Variants in LNP1 observed in about 807,000 individuals in gnomAD.
LNP1 encodes the protein leukemia NUP98 fusion partner 1.
Under a neutral mutation model 14.5 loss-of-function variants are expected in LNP1, and 12 were observed. That is an observed-to-expected ratio of 0.83 (90% CI 0.53 to 1.34). LNP1 has a LOEUF of 1.34. Ranked by LOEUF, LNP1 falls within the 40% of genes most tolerant of loss-of-function variation. LNP1 has a pLI of 0.00. For missense variants in LNP1, 198 were observed against 210.9 expected, an observed-to-expected ratio of 0.94 and a Z score of 0.38; for synonymous variants, 75 against 71.4, an observed-to-expected ratio of 1.05 and a Z score of -0.26.
chr3:100,403,460 G>C (rs1167590166), intron 1 of LNP1, among the ~76,000 whole-genome samples: 1 of 151,910 alleles, frequency 6.6e-6, no homozygotes, highest in African/African-American at 2.4e-5. Flanking sequence ...GGTTGTGGAA[G>C]ACCTGAGTTT....
At chr3:100,414,033 C>CAA (rs1185880306) in intron 1 of LNP1, among the ~76,000 whole-genome samples, 1 of 145,488 alleles carries the variant, frequency 6.9e-6, no homozygotes, top group African/African-American at 2.5e-5. Flanking sequence ...TTCAAAGCTG[C>CAA]AAAAAAAAAA....
intron 2 of LNP1, among the ~76,000 whole-genome samples, chr3:100,434,371 G>T (rs149476136): frequency 3.9e-4 from 59 of 152,244 alleles, no homozygotes; most frequent in Admixed American, 3.7e-3. Context: ...AGATCAGGTG[G>T]TTATATAAGT....
At chr3:100,416,483 G>A (rs544353153) in intron 1 of LNP1, among the ~76,000 whole-genome samples, 4 of 152,006 alleles carry the variant, frequency 2.6e-5, no homozygotes, top group African/African-American at 4.8e-5. Flanking sequence ...TGTTTAATGA[G>A]AATTGGCATT....
chr3:100,442,278 A>C (rs1707351172), intron 2 of LNP1, among the ~76,000 whole-genome samples: 1 of 152,184 alleles, frequency 6.6e-6, no homozygotes, highest in South Asian at 2.1e-4. Flanking sequence ...GAAAAGTCTT[A>C]CTGATCAAGA....
At chr3:100,403,487 G>A (rs1347675507) in intron 1 of LNP1, among the ~76,000 whole-genome samples, 1 of 149,168 alleles carries the variant, frequency 6.7e-6, no homozygotes, top group African/African-American at 2.5e-5. Context: ...TTTTTGAGAT[G>A]GAGTTTCGCT....
chr3:100,424,807 G>C (rs1192788904), intron 1 of LNP1, among the ~76,000 whole-genome samples: 3 of 152,174 alleles, frequency 2.0e-5, no homozygotes, highest in Non-Finnish European at 4.4e-5. Flanking sequence ...CTGTGTAGCT[G>C]ATCTCCTTGG....
At chr3:100,405,086 C>T (rs1312394466) in intron 1 of LNP1, among the ~76,000 whole-genome samples, 2 of 152,126 alleles carry the variant, frequency 1.3e-5, no homozygotes, top group Admixed American at 6.5e-5. Context: ...GCTACTGTAC[C>T]CAGCCTGTGT....
intron 1 of LNP1, among the ~76,000 whole-genome samples, chr3:100,424,230 C>T (rs1707172110): frequency 6.6e-6 from 1 of 152,146 alleles, no homozygotes; most frequent in Non-Finnish European, 1.5e-5. Flanking sequence ...TTGAAGAGTT[C>T]CCTTTCCTTC....
chr3:100,427,987 C>T (rs959569065), intron 1 of LNP1, among the ~76,000 whole-genome samples: 9 of 152,260 alleles, frequency 5.9e-5, no homozygotes, highest in African/African-American at 1.9e-4. Context: ...TTTTGCAGCT[C>T]AAGGAAGGAT....
At chr3:100,423,010 T>C (rs1707159381) in intron 1 of LNP1, among the ~76,000 whole-genome samples, 1 of 152,048 alleles carries the variant, frequency 6.6e-6, no homozygotes, top group African/African-American at 2.4e-5. Flanking sequence ...CTTGATAATA[T>C]ACAAGGAAAT....
chr3:100,410,065 T>G (rs1358119508), intron 1 of LNP1, among the ~76,000 whole-genome samples: 1 of 152,060 alleles, frequency 6.6e-6, no homozygotes, highest in East Asian at 1.9e-4. Flanking sequence ...ATTTTGGTAC[T>G]AGGAATGGGG....
chr3:100,416,220 T>G (rs1576227124), intron 1 of LNP1, among the ~76,000 whole-genome samples: 1 of 152,326 alleles, frequency 6.6e-6, no homozygotes, highest in Middle Eastern at 3.4e-3. Flanking sequence ...TTAGTTGGAA[T>G]ATTTTTATAA....
intron 1 of LNP1, among the ~76,000 whole-genome samples, chr3:100,415,960 G>T (rs528015816): frequency 6.6e-6 from 1 of 152,306 alleles, no homozygotes; most frequent in Admixed American, 6.5e-5. Context: ...TGCAACCCCA[G>T]ATGCTGTCGT....
rs144212187 is a variant in LNP1 at position 100,423,241 on chromosome 3, T to C, written c.-33-6456T>C. ...CCTTTCTAGAATGAGACCGGTTCAGTCAAGCTTGAAATCAGTAAGAGGAAT... is the reference window on the plus strand; with the variant it reads ...CCTTTCTAGAATGAGACCGGTTCAGCCAAGCTTGAAATCAGTAAGAGGAAT... On this transcript the variant is annotated intron_variant, in intron 1 of 3. Transcript: ENST00000383693. 3.3e-5 allele frequency among the ~76,000 whole-genome samples: 5 copies of C among 152,242 alleles called. No individual in the cohort carries two copies. The East Asian group carries it at 9.6e-4, about 29-fold the overall frequency.
chr3:100,421,049 G>T (rs1707139859), intron 1 of LNP1, among the ~76,000 whole-genome samples: 1 of 151,998 alleles, frequency 6.6e-6, no homozygotes, highest in Non-Finnish European at 1.5e-5. Flanking sequence ...GATAGTCACG[G>T]CTCACTGGAG....
At chr3:100,455,120 C>T (rs1228831186) in intron 3 of LNP1, among the ~76,000 whole-genome samples, 1 of 152,192 alleles carries the variant, frequency 6.6e-6, no homozygotes, top group Non-Finnish European at 1.5e-5. Context: ...TTGCACTTAT[C>T]ACTATTGATT....
intron 2 of LNP1, among the ~76,000 whole-genome samples, chr3:100,438,234 G>A (rs1376462333): frequency 3.3e-5 from 5 of 152,264 alleles, no homozygotes; most frequent in African/African-American, 1.2e-4. Context: ...CTCTTGAGGT[G>A]AATATATTAC....
chr3:100,436,287 A>G lies in LNP1; in HGVS notation c.156+6402A>G, dbSNP rs117616346. 3.3e-5 allele frequency among the ~76,000 whole-genome samples: 5 copies of G among 152,228 alleles called. No homozygotes were observed. The East Asian group carries it at 5.8e-4, about 18-fold the overall frequency. On this transcript the variant is annotated intron_variant, in intron 2 of 3. Transcript: ENST00000383693. ...TCTATTTTAACATTAATGCTGGTCA[A>G]TTGTTGTGTCTAAACCATAAAAGAC...
chr3:100,432,384 A>G (rs1377371574), intron 2 of LNP1, among the ~76,000 whole-genome samples: 2 of 152,120 alleles, frequency 1.3e-5, no homozygotes, highest in African/African-American at 4.8e-5. Flanking sequence ...TTAATTTAAC[A>G]TATTTATTGA....
Sources: gnomAD v4.1 joint callset for allele counts (sites outside exome capture counted in the v4.1 genomes callset) on GRCh38, gnomAD v4.1.1 for gene constraint, MANE v1.5 for transcripts, NCBI Gene and HGNC (gene_info 2026-07-23, HGNC 2026-07-21) for gene names.